MITF: variants seen among roughly 807,000 people sequenced by gnomAD.
MITF encodes microphthalmia-associated transcription factor.
In MITF, 17 loss-of-function variants were observed where a neutral mutation model predicts 60.5. The ratio of observed to expected loss-of-function variants is 0.28; its 90% confidence interval spans 0.19 to 0.42. The LOEUF is 0.42. MITF is among the 10% of genes least tolerant of loss of function. MITF has a pLI of 1.00. For synonymous variants in MITF, 260 were observed against 248.5 expected (o/e 1.05, Z -0.43); for missense variants, 622 against 683.5 (o/e 0.91, Z 1.00).
At chr3:69,929,934 A>C (rs2065680301) in intron 2 of MITF, among the ~76,000 whole-genome samples, 1 of 152,208 alleles carries the variant, frequency 6.6e-6, no homozygotes, top group African/African-American at 2.4e-5. Context: ...AGTCAAAGAT[A>C]ACCATGATTT....
rs141447024 is a variant in MITF at position 69,772,815 on chromosome 3, A to G, written c.104+33114A>G. Reference sequence around the variant, plus strand: ...ACTCTATCCATCAATCCATACACCCACTTATTGAGCTAATATTTATTGAGG... The same window carrying G: ...ACTCTATCCATCAATCCATACACCCGCTTATTGAGCTAATATTTATTGAGG... On this transcript the variant is annotated intron_variant, in intron 1 of 9. Transcript: ENST00000352241. 2.8e-3 allele frequency among the ~76,000 whole-genome samples: 432 copies of G among 152,128 alleles called. 1 individual carries two copies. Among genetic ancestry groups the G allele is most frequent in the Non-Finnish European group, 5.2e-3 (352 of 67,992 alleles).
chr3:69,899,181 G>A (rs886174277), intron 2 of MITF, among the ~76,000 whole-genome samples: 6 of 152,174 alleles, frequency 3.9e-5, no homozygotes, highest in Non-Finnish European at 7.3e-5. Context: ...GAAAGCTGTG[G>A]TGAGAGAAAA....
intron 6 of MITF, among the ~76,000 whole-genome samples, chr3:69,950,937 T>G (rs2107516629): frequency 6.6e-6 from 1 of 152,234 alleles, no homozygotes; most frequent in Admixed American, 6.6e-5. Context: ...TCCTATTTTG[T>G]TTTTATAGAC....
intron 2 of MITF, among the ~76,000 whole-genome samples, chr3:69,930,388 C>A (rs2065692263): frequency 6.6e-6 from 1 of 152,126 alleles, no homozygotes. Flanking sequence ...AATCGAAAGC[C>A]AAGTAAATAA....
chr3:69,906,759 G>C (rs1406939975), intron 2 of MITF, among the ~76,000 whole-genome samples: 1 of 152,104 alleles, frequency 6.6e-6, no homozygotes, highest in Non-Finnish European at 1.5e-5. Flanking sequence ...ATCTGTCCAG[G>C]ACTATGATTT....
intron 7 of MITF, 52 bp from the exon 8 acceptor site, chr3:69,956,403 A>C: frequency 2.1e-6 from 3 of 1,400,418 alleles, no homozygotes; most frequent in Non-Finnish European, 3.0e-6. Flanking sequence ...GATGTGCTAA[A>C]TGCATACATG....
At chr3:69,902,485 T>A (rs1419111098) in intron 2 of MITF, among the ~76,000 whole-genome samples, 1 of 152,208 alleles carries the variant, frequency 6.6e-6, no homozygotes, top group African/African-American at 2.4e-5. Flanking sequence ...TTCTTCACCC[T>A]TTGATTCTTA....
At chr3:69,842,414 A>G (rs2063654719) in intron 1 of MITF, among the ~76,000 whole-genome samples, 2 of 152,238 alleles carry the variant, frequency 1.3e-5, no homozygotes, top group Non-Finnish European at 2.9e-5. Context: ...TTTGCTTTGA[A>G]TAACACCTGG....
chr3:69,929,736 A>G (rs900410068), intron 2 of MITF, among the ~76,000 whole-genome samples: 2 of 152,124 alleles, frequency 1.3e-5, no homozygotes, highest in Non-Finnish European at 2.9e-5. Context: ...TATTGAAAAT[A>G]CACCGTCAGA....
At chr3:69,772,630 A>C (rs1374858842) in intron 1 of MITF, among the ~76,000 whole-genome samples, 1 of 152,174 alleles carries the variant, frequency 6.6e-6, no homozygotes, top group African/African-American at 2.4e-5. Context: ...TTCATTCCTT[A>C]GTTTACTGAC....
chr3:69,908,639 A>G (rs2065153178), intron 2 of MITF, among the ~76,000 whole-genome samples: 1 of 152,198 alleles, frequency 6.6e-6, no homozygotes. Flanking sequence ...AACATGTGGG[A>G]TGAATGAGCA....
intron 2 of MITF, among the ~76,000 whole-genome samples, chr3:69,905,709 T>TTG (rs1230996230): frequency 2.0e-5 from 3 of 151,992 alleles, no homozygotes; most frequent in South Asian, 2.1e-4. Context: ...TACTATCTCA[T>TTG]TGTGTGTTTT....
chr3:69,926,611 T>A (rs1381741380), intron 2 of MITF, among the ~76,000 whole-genome samples: 1 of 152,062 alleles, frequency 6.6e-6, no homozygotes, highest in Non-Finnish European at 1.5e-5. Context: ...AGGGCTAAAC[T>A]GGGGCACGTG....
intron 6 of MITF, among the ~76,000 whole-genome samples, chr3:69,950,857 C>A (rs958422930): frequency 1.3e-5 from 2 of 151,890 alleles, no homozygotes; most frequent in Admixed American, 6.6e-5. Flanking sequence ...AATCTCTTAT[C>A]CCAGAGATGT....
intron 1 of MITF, among the ~76,000 whole-genome samples, chr3:69,832,128 C>T (rs2063458376): frequency 6.6e-6 from 1 of 152,168 alleles, no homozygotes; most frequent in South Asian, 2.1e-4. Flanking sequence ...TGTTCACTCT[C>T]ATGGTTTCTG....
intron 1 of MITF, among the ~76,000 whole-genome samples, chr3:69,858,611 G>A (rs1215695991): frequency 6.6e-6 from 1 of 152,094 alleles, no homozygotes; most frequent in Non-Finnish European, 1.5e-5. Flanking sequence ...ACTAGAATTT[G>A]GTTTGTAGCT....
At chr3:69,934,298 G>A (rs189717652) in intron 2 of MITF, among the ~76,000 whole-genome samples, 91 of 152,252 alleles carry the variant, frequency 6.0e-4, no homozygotes, top group Admixed American at 5.2e-3. Flanking sequence ...GCTACATGTC[G>A]TGTTGAGATG....
intron 1 of MITF, among the ~76,000 whole-genome samples, chr3:69,872,791 T>C (rs1277600861): frequency 6.6e-6 from 1 of 152,202 alleles, no homozygotes; most frequent in African/African-American, 2.4e-5. Flanking sequence ...GTCTCAGCAT[T>C]AGAAAGAAAA....
intron 1 of MITF, among the ~76,000 whole-genome samples, chr3:69,761,457 C>T (rs935625476): frequency 6.6e-6 from 1 of 152,182 alleles, no homozygotes; most frequent in Non-Finnish European, 1.5e-5. Flanking sequence ...CTTCAAAGCT[C>T]ACTCTCTTAT....
Sources: allele counts gnomAD v4.1 joint callset (sites outside exome capture counted in the v4.1 genomes callset), GRCh38; gene constraint gnomAD v4.1.1; transcripts MANE v1.5; gene names NCBI Gene and HGNC (gene_info 2026-07-23, HGNC 2026-07-21).